DCHS2: variants seen among roughly 807,000 people sequenced by gnomAD.
DCHS2 encodes the protein protocadherin-23.
A neutral mutation model predicts 182.4 loss-of-function variants in DCHS2; 142 were observed. The observed-to-expected ratio is 0.78, with a 90% CI of 0.68 to 0.89. The LOEUF (loss-of-function observed/expected upper bound fraction) is 0.89. Ranked by LOEUF, DCHS2 falls within the 40% of genes least tolerant of loss-of-function variation. The pLI is 0.00. For missense variants in DCHS2, 4,319 were observed against 4,198.6 expected (o/e 1.03, Z -0.79); for synonymous variants, 1,740 against 1,663.3 (o/e 1.05, Z -1.12).
intron 18 of DCHS2, among the ~76,000 whole-genome samples, chr4:154,240,307 T>TAA (rs11379756): frequency 0.018 from 2,543 of 143,550 alleles, 84 homozygotes; most frequent in South Asian, 0.054. Flanking sequence ...CTCTAAAAAC[T>TAA]AAAAAAAAAA....
In DCHS2 at chr4:154,270,917, C is replaced by T. The variant is rs76135330; in HGVS notation, c.6464-904G>A. Among the ~76,000 whole-genome samples the T allele has an allele frequency of 5.3e-3, 809 of 152,196 alleles. 11 individuals carry two copies. Among genetic ancestry groups the T allele is most frequent in the African/African-American group, 0.018 (756 of 41,542 alleles). On this transcript the variant is annotated intron_variant, in intron 13 of 19. Transcript: ENST00000357232. ...AACTAGAGAGTAACCAGCAACTTAA[C>T]TGCAAGACATGAATTAATTCAAGAT...
intron 1 of DCHS2, among the ~76,000 whole-genome samples, chr4:154,443,586 T>C (rs1261864988): frequency 2.0e-5 from 3 of 152,166 alleles, no homozygotes; most frequent in Non-Finnish European, 4.4e-5. Context: ...ACCTTTCCCA[T>C]AGAAATGGAT....
At chr4:154,290,432 G>A (rs1444671904) in intron 13 of DCHS2, among the ~76,000 whole-genome samples, 1 of 151,812 alleles carries the variant, frequency 6.6e-6, no homozygotes. Context: ...CATAGAAATA[G>A]AAAAAATCTA....
chr4:154,278,779 T>C (rs1354650114), intron 13 of DCHS2, among the ~76,000 whole-genome samples: 2 of 152,028 alleles, frequency 1.3e-5, no homozygotes, highest in Admixed American at 1.3e-4. Flanking sequence ...ATACCACGTC[T>C]TCCAAAACTG....
chr4:154,255,203 A>G (rs17031310), intron 16 of DCHS2, among the ~76,000 whole-genome samples: 1,678 of 152,336 alleles, frequency 0.011, 35 homozygotes, highest in African/African-American at 0.036. Flanking sequence ...TCTCTAGTTC[A>G]TTAGACATCT....
In DCHS2 at chr4:154,233,212, G is replaced by A. The variant is rs1344875462; in HGVS notation, c.*1324C>T. ...GGCCCTCATGCTGACCACAGGAAGAGGACTTCTGAACCACCATCGTCAGGA... is the reference window on the plus strand; with the variant it reads ...GGCCCTCATGCTGACCACAGGAAGAAGACTTCTGAACCACCATCGTCAGGA... On this transcript the variant is annotated 3_prime_UTR_variant, in exon 20 of 20. Coordinates refer to ENST00000357232, the MANE Select transcript of DCHS2 (RefSeq NM_001358235.2). 3 of 152,132 alleles carry A rather than the reference G, an allele frequency of 2.0e-5. No homozygotes were observed. The highest frequency in any genetic ancestry group is 7.2e-5 in the African/African-American group (3 of 41,438). The allele number at this position is 152,132 out of a possible 1,614,324, so 9.4% of individuals were successfully genotyped here. A position where few individuals can be genotyped will look rare whatever the true frequency, so the allele number is the denominator to read the frequency against.
chr4:154,469,574 CAATTTGATTGGAACAAATCCA>C (rs1326300480), intron 1 of DCHS2, among the ~76,000 whole-genome samples: 2 of 152,270 alleles, frequency 1.3e-5, no homozygotes, highest in East Asian at 3.9e-4. Context: ...CAATACCCTC[CAATTTGATTGGAACAAATCCA>C]AATCTCTCAT....
intron 1 of DCHS2, among the ~76,000 whole-genome samples, chr4:154,427,340 G>A (rs930942648): frequency 1.3e-5 from 2 of 152,156 alleles, no homozygotes; most frequent in African/African-American, 4.8e-5. Flanking sequence ...CCACTCACAG[G>A]TGAAATGTTC....
At position 154,273,600 on chromosome 4, in the gene DCHS2, T is replaced by G. The variant is rs540747428; in HGVS notation, c.6464-3587A>C. ...GACCATCTGTTTCCCCAAAACCTAC[T>G]GAAATAAAAACTTAAATTTAAAAGA... On this transcript the variant is annotated intron_variant, in intron 13 of 19. Transcript: ENST00000357232. Among the ~76,000 whole-genome samples the G allele has an allele frequency of 5.3e-5, 8 of 152,074 alleles. No homozygotes were observed. In the South Asian group the frequency reaches 1.0e-3, roughly 20 times the overall value.
chr4:154,443,061 T>G (rs1016439010), intron 1 of DCHS2, among the ~76,000 whole-genome samples: 1 of 152,058 alleles, frequency 6.6e-6, no homozygotes, highest in Non-Finnish European at 1.5e-5. Flanking sequence ...CACTCCAGTA[T>G]CCACTCCAAC....
At chr4:154,312,011 ATATATATAGAGAAAATT>A (rs1446072396) in intron 10 of DCHS2, among the ~76,000 whole-genome samples, 1 of 151,770 alleles carries the variant, frequency 6.6e-6, no homozygotes, top group Admixed American at 6.6e-5. Context: ...ATTTTTTAAT[ATATATATAGAGAAAATT>A]TATATAGAGA....
intron 3 of DCHS2, 128 bp downstream of exon 3, chr4:154,366,082 G>C: frequency 1.5e-6 from 1 of 673,456 alleles, no homozygotes; most frequent in South Asian, 1.9e-5. Flanking sequence ...GCATCTGCTA[G>C]AAGGTTAAGT....
At chr4:154,300,240 G>T (rs992946969) in intron 12 of DCHS2, among the ~76,000 whole-genome samples, 2 of 152,120 alleles carry the variant, frequency 1.3e-5, no homozygotes, top group Non-Finnish European at 1.5e-5. Flanking sequence ...TAAGCAGGGG[G>T]TCAAATTGTG....
chr4:154,309,576 A>G (rs985138821), intron 10 of DCHS2, among the ~76,000 whole-genome samples: 21 of 152,022 alleles, frequency 1.4e-4, no homozygotes, highest in Non-Finnish European at 2.4e-4. Flanking sequence ...TTGCTTACTC[A>G]TTCATCCAAC....
intron 3 of DCHS2, among the ~76,000 whole-genome samples, chr4:154,350,887 G>A (rs1383640120): frequency 6.6e-6 from 1 of 152,088 alleles, no homozygotes; most frequent in Non-Finnish European, 1.5e-5. Context: ...AAAAAGATGA[G>A]CTTTACAAAA....
intron 1 of DCHS2, among the ~76,000 whole-genome samples, chr4:154,425,721 G>T (rs556548784): frequency 6.6e-6 from 1 of 152,330 alleles, no homozygotes; most frequent in South Asian, 2.1e-4. Flanking sequence ...ATGCTTAAAT[G>T]AACCATAACC....
chr4:154,392,894 G>A (rs1279818534), intron 1 of DCHS2, among the ~76,000 whole-genome samples: 1 of 152,300 alleles, frequency 6.6e-6, no homozygotes, highest in African/African-American at 2.4e-5. Context: ...CTTGGGGACT[G>A]TTTGAGTCTT....
intron 1 of DCHS2, among the ~76,000 whole-genome samples, chr4:154,421,852 C>G (rs922961777): frequency 6.6e-6 from 1 of 152,184 alleles, no homozygotes; most frequent in African/African-American, 2.4e-5. Flanking sequence ...TCTCACTTCT[C>G]ACTTCCTCTT....
At chr4:154,476,925 G>T (rs1372043204) in intron 1 of DCHS2, among the ~76,000 whole-genome samples, 1 of 151,532 alleles carries the variant, frequency 6.6e-6, no homozygotes, top group Non-Finnish European at 1.5e-5. Context: ...GTCAAGGAAG[G>T]CTTCCTAAGG....
Sources: allele counts gnomAD v4.1 joint callset (sites outside exome capture counted in the v4.1 genomes callset), GRCh38; gene constraint gnomAD v4.1.1; transcripts MANE v1.5; gene names NCBI Gene and HGNC (gene_info 2026-07-23, HGNC 2026-07-21).